SAXO1: variants seen among roughly 807,000 people sequenced by gnomAD.
The protein encoded by SAXO1 is stabilizer of axonemal microtubules 1, also known as 4930500O09Rik.
Under a neutral mutation model 17.5 loss-of-function variants are expected in SAXO1, and 21 were observed. The observed-to-expected ratio is 1.20, with a 90% CI of 0.85 to 1.72. The LOEUF (loss-of-function observed/expected upper bound fraction) is 1.72. Ranked by LOEUF, SAXO1 falls within the 40% of genes most tolerant of loss-of-function variation. SAXO1 has a pLI of 0.00. For synonymous variants in SAXO1, 274 were observed against 216.5 expected, an observed-to-expected ratio of 1.27 and a Z score of -2.33; for missense variants, 843 against 596.0, an observed-to-expected ratio of 1.41 and a Z score of -4.32.
chr9:18,984,278 G>A (rs1441527985), intron 1 of SAXO1, among the ~76,000 whole-genome samples: 1 of 152,174 alleles, frequency 6.6e-6, no homozygotes, highest in East Asian at 1.9e-4. Flanking sequence ...TGGTAAATGG[G>A]CATCCGCTTC....
chr9:18,951,755 G>A (rs929067912), intron 1 of SAXO1, among the ~76,000 whole-genome samples: 9 of 152,142 alleles, frequency 5.9e-5, no homozygotes, highest in Non-Finnish European at 1.2e-4. Flanking sequence ...GTCAAGCTCA[G>A]GGCCTTTATC....
At chr9:18,996,011 G>T (rs1588499517) in intron 1 of SAXO1, among the ~76,000 whole-genome samples, 1 of 151,482 alleles carries the variant, frequency 6.6e-6, no homozygotes. Context: ...TCCAGGAGGT[G>T]GAGGTTGCAG....
At chr9:18,944,499 A>G (rs1423844994) in intron 2 of SAXO1, among the ~76,000 whole-genome samples, 1 of 152,212 alleles carries the variant, frequency 6.6e-6, no homozygotes, top group Non-Finnish European at 1.5e-5. Flanking sequence ...TTTTAAGAAC[A>G]CTGGATCTCC....
chr9:19,027,391 C>T, intron 1 of SAXO1: 1 of 765,270 alleles, frequency 1.3e-6, no homozygotes, highest in Non-Finnish European at 2.4e-6. Context: ...ACCCACGGAG[C>T]AATACAGTGA....
At chr9:18,950,209 G>A (rs1436668825) in intron 2 of SAXO1, among the ~76,000 whole-genome samples, 1 of 152,172 alleles carries the variant, frequency 6.6e-6, no homozygotes, top group Non-Finnish European at 1.5e-5. Flanking sequence ...TAGTTTGGGA[G>A]TCAAGAATAA....
At chr9:19,044,846 G>C (rs901688091) in intron 1 of SAXO1, among the ~76,000 whole-genome samples, 1 of 151,926 alleles carries the variant, frequency 6.6e-6, no homozygotes, top group Non-Finnish European at 1.5e-5. Flanking sequence ...CCGGGTGAGA[G>C]TGCGAGACTC....
At chr9:19,022,360 G>C (rs1209664022) in intron 1 of SAXO1, among the ~76,000 whole-genome samples, 1 of 152,226 alleles carries the variant, frequency 6.6e-6, no homozygotes, top group East Asian at 1.9e-4. Flanking sequence ...TTCTTGAAGT[G>C]AGTGAGACCA....
chr9:19,011,088 T>C (rs1588526588), intron 1 of SAXO1, among the ~76,000 whole-genome samples: 1 of 152,232 alleles, frequency 6.6e-6, no homozygotes, highest in East Asian at 1.9e-4. Flanking sequence ...TGTAGATGTT[T>C]CAGTTGCATA....
chr9:19,014,211 A>G (rs1834869925), intron 1 of SAXO1, among the ~76,000 whole-genome samples: 1 of 152,082 alleles, frequency 6.6e-6, no homozygotes, highest in Non-Finnish European at 1.5e-5. Flanking sequence ...CTGTAATCGC[A>G]GCACTTTGGG....
chr9:18,932,434 A>G (rs911459871), intron 3 of SAXO1, among the ~76,000 whole-genome samples: 1 of 152,240 alleles, frequency 6.6e-6, no homozygotes, highest in African/African-American at 2.4e-5. Context: ...CTGTAGCTTT[A>G]TAATAAAGTT....
At chr9:19,003,767 G>A (rs1269869150) in intron 1 of SAXO1, among the ~76,000 whole-genome samples, 3 of 152,098 alleles carry the variant, frequency 2.0e-5, no homozygotes, top group Non-Finnish European at 4.4e-5. Flanking sequence ...AGACTTAAAC[G>A]TAAGACCTAA....
At chr9:18,946,733 A>G (rs978898801) in intron 2 of SAXO1, among the ~76,000 whole-genome samples, 2 of 152,222 alleles carry the variant, frequency 1.3e-5, no homozygotes, top group African/African-American at 4.8e-5. Flanking sequence ...AGCTTTTTAA[A>G]CCATGCTCAT....
chr9:18,986,536 G>A (rs576812194), intron 1 of SAXO1, among the ~76,000 whole-genome samples: 9 of 152,230 alleles, frequency 5.9e-5, no homozygotes, highest in African/African-American at 2.2e-4. Context: ...AAATAAAATG[G>A]GAATTTGACC....
At chr9:18,938,920 C>G (rs1282375263) in intron 3 of SAXO1, among the ~76,000 whole-genome samples, 1 of 150,716 alleles carries the variant, frequency 6.6e-6, no homozygotes, top group Admixed American at 6.7e-5. Flanking sequence ...TCTTTAAATG[C>G]TACATATAGA....
upstream of SAXO1, among the ~76,000 whole-genome samples, chr9:19,038,008 G>C (rs112334934): frequency 2.0e-5 from 3 of 152,310 alleles, no homozygotes; most frequent in African/African-American, 7.2e-5. Flanking sequence ...ATGAAAAAAT[G>C]CTCATCATCA....
chr9:19,013,294 G>T (rs1192835164), intron 1 of SAXO1, among the ~76,000 whole-genome samples: 1 of 152,116 alleles, frequency 6.6e-6, no homozygotes, highest in Non-Finnish European at 1.5e-5. Flanking sequence ...CCACTGCGGG[G>T]GTAACAAAGC....
intron 1 of SAXO1, among the ~76,000 whole-genome samples, chr9:19,042,265 T>C (rs769430550): frequency 6.6e-6 from 1 of 152,184 alleles, no homozygotes. Flanking sequence ...CCAGTTAAAA[T>C]GGCTTTTATC....
chr9:19,037,222 C>T (rs1194695553), upstream of SAXO1, among the ~76,000 whole-genome samples: 1 of 152,140 alleles, frequency 6.6e-6, no homozygotes, highest in Admixed American at 6.6e-5. Flanking sequence ...AGGGACTTGC[C>T]TTGTCTCAGA....
At chr9:18,958,008 T>C (rs901817149) in intron 1 of SAXO1, among the ~76,000 whole-genome samples, 5 of 152,194 alleles carry the variant, frequency 3.3e-5, no homozygotes, top group African/African-American at 1.2e-4. Context: ...AGGCAAGATA[T>C]CTCATACTCC....
Sources: gnomAD v4.1 joint callset for allele counts (sites outside exome capture counted in the v4.1 genomes callset) on GRCh38, gnomAD v4.1.1 for gene constraint, MANE v1.5 for transcripts, NCBI Gene and HGNC (gene_info 2026-07-23, HGNC 2026-07-21) for gene names.